RAB44: variants seen among roughly 807,000 people sequenced by gnomAD.
RAB44 encodes the protein ras-related protein Rab-44.
Under a neutral mutation model 93.3 loss-of-function variants are expected in RAB44, and 67 were observed. The observed-to-expected ratio is 0.72, with a 90% confidence interval of 0.59 to 0.88. The LOEUF is 0.88. RAB44 is among the 40% of genes least tolerant of loss of function. The probability of loss-of-function intolerance (pLI) is 0.00; values close to 1 mark genes in which losing one functional copy is unlikely to be tolerated. For synonymous variants in RAB44, 427 were observed against 520.3 expected, an observed-to-expected ratio of 0.82 and a Z score of 2.44; for missense variants, 1,064 against 1,261.7, an observed-to-expected ratio of 0.84 and a Z score of 2.37.
Position 36,721,759 on chromosome 6 carries a change from A to T in RAB44, c.1625A>T (p.Gln542Leu). 1 of 1,234,460 alleles carries T rather than the reference A, an allele frequency of 8.1e-7. No homozygotes were observed. The highest frequency in any genetic ancestry group is 1.0e-6 in the Non-Finnish European group (1 of 988,294). 76.5% of individuals were successfully genotyped at this position (1,234,460 alleles called of 1,614,324 possible). A position where few individuals can be genotyped will look rare whatever the true frequency, so the allele number is the denominator to read the frequency against. ...TCTTGGGCTCCTCCCAGCGGGGCTC[A>T]GCCTGGGGCTGGAGCAGGACCCCAG... is the stretch of plus-strand genomic sequence containing the variant. ...PGSWAPPSGA[Q>L]PGAGAGPQEP... The change falls in exon 9 of 14, where the codon CAG (glutamine) becomes CTG (leucine). Residue 542 changes from glutamine to leucine, a missense_variant. Transcript: ENST00000612677.
At chr6:36,728,573 G>T in intron 11 of RAB44, 127 bp from the exon 12 acceptor site, 1 of 708,182 alleles carries the variant, frequency 1.4e-6, no homozygotes, top group Non-Finnish European at 2.5e-6. Flanking sequence ...CAGGTGAGAA[G>T]GTTATGGAGT....
At chr6:36,698,718 G>C (rs1021153732) in intron 1 of RAB44, among the ~76,000 whole-genome samples, 3 of 152,032 alleles carry the variant, frequency 2.0e-5, no homozygotes, top group Non-Finnish European at 4.4e-5. Context: ...GGGTGGCCCT[G>C]CCAGCTGACT....
chr6:36,707,691 A>G (rs564711780), intron 2 of RAB44, among the ~76,000 whole-genome samples: 8 of 152,212 alleles, frequency 5.3e-5, no homozygotes, highest in Non-Finnish European at 1.2e-4. Flanking sequence ...CGAACCTGGT[A>G]CAGTCCTTTT....
chr6:36,722,234 T>C lies in RAB44; in HGVS notation c.2100T>C (p.Ala700=). 7.9e-7 allele frequency: 1 copy of C among 1,265,810 alleles called. No individual in the cohort carries two copies. Among genetic ancestry groups the C allele is most frequent in the Non-Finnish European group, 9.9e-7 (1 of 1,006,982 alleles). The allele number at this position is 1,265,810 out of a possible 1,614,324, so 78.4% of individuals were successfully genotyped here. ...AGCAGTCAGAGCAGTCGGTTGAGGC[T>C]CACGGCCTAGAAACTGCGCATTCGG... ...SSEQSEQSVE[A]HGLETAHSEL... is the part of the protein sequence containing the mutation. Residue 700 remains alanine (A), a synonymous_variant, in exon 9 of 14, where the codon GCT becomes GCC. Coordinates refer to ENST00000612677, the MANE Select transcript of RAB44 (RefSeq NM_001257357.2).
chr6:36,718,463 G>C (rs1247347168), intron 6 of RAB44, 30 bp from the exon 7 acceptor site: 1 of 1,129,564 alleles, frequency 8.9e-7, no homozygotes, highest in Non-Finnish European at 1.1e-6. Flanking sequence ...AGAGTCTGCA[G>C]GGTGAGGGCT....
rs767062518 is a variant in RAB44 at position 36,721,700 on chromosome 6, C to G, written c.1566C>G (p.Ile522Met). The G allele has an allele frequency of 8.1e-7, 1 of 1,234,468 alleles. No homozygotes were observed. Among genetic ancestry groups the G allele is most frequent in the Admixed American group, 4.2e-5 (1 of 23,738 alleles). The allele number at this position is 1,234,468 out of a possible 1,614,324, so 76.5% of individuals were successfully genotyped here. ...PQAPAGSSKQ[I>M]QASDPDDKGP... ...CCCCAGCTGGGTCCAGCAAACAGAT[C>G]CAGGCCTCAGACCCAGATGACAAGG... The change falls in exon 9 of 14, where the codon ATC becomes ATG. Residue 522 changes from isoleucine to methionine, a missense_variant. Transcript: ENST00000612677.
In RAB44 at chr6:36,718,561, G is replaced by A. The variant is rs972882406; in HGVS notation, c.801G>A (p.Val267=). ...TCCTAGAGGCCAAGGAGCGCGAGGTGCAGCGACTAGCTGAGGGCCAGAGGG... is the reference window on the plus strand; with the variant it reads ...TCCTAGAGGCCAAGGAGCGCGAGGTACAGCGACTAGCTGAGGGCCAGAGGG... ...QDVLEAKERE[V]QRLAEGQREL... Residue 267 remains valine, a synonymous_variant, in exon 7 of 14, where the codon GTG becomes GTA. Transcript: ENST00000612677. 3.3e-5 allele frequency: 41 copies of A among 1,234,152 alleles called. No homozygotes were observed. Among genetic ancestry groups the A allele is most frequent in the Admixed American group, 1.3e-4 (3 of 23,720 alleles). 76.5% of individuals were successfully genotyped at this position (1,234,152 alleles called of 1,614,324 possible). A position where few individuals can be genotyped will look rare whatever the true frequency, so the allele number is the denominator to read the frequency against.
intron 7 of RAB44, among the ~76,000 whole-genome samples, chr6:36,718,980 C>T (rs1484254453): frequency 1.3e-5 from 2 of 151,952 alleles, no homozygotes; most frequent in Non-Finnish European, 2.9e-5. Context: ...TCTTGGCTCA[C>T]TGCAAGCTCC....
intron 12 of RAB44, among the ~76,000 whole-genome samples, chr6:36,730,387 A>C (rs1156989422): frequency 6.6e-6 from 1 of 152,174 alleles, no homozygotes; most frequent in East Asian, 1.9e-4. Context: ...CTCCAGGGGC[A>C]TTTCTCCAAG....
chr6:36,725,150 A>G (rs904069665), intron 9 of RAB44, among the ~76,000 whole-genome samples: 1 of 152,036 alleles, frequency 6.6e-6, no homozygotes, highest in African/African-American at 2.4e-5. Flanking sequence ...TCAGAATTGC[A>G]TGCTCTCTGG....
intron 7 of RAB44, among the ~76,000 whole-genome samples, chr6:36,719,123 G>T (rs1272876530): frequency 1.3e-5 from 2 of 152,058 alleles, no homozygotes; most frequent in Admixed American, 1.3e-4. Context: ...GTTTCACCGT[G>T]GTCTCAATCT....
At chr6:36,724,393 G>A (rs953828176) in intron 9 of RAB44, among the ~76,000 whole-genome samples, 1 of 151,958 alleles carries the variant, frequency 6.6e-6, no homozygotes, top group Non-Finnish European at 1.5e-5. Flanking sequence ...GTGACCTCAG[G>A]TGATCTGCCC....
Position 36,732,128 on chromosome 6 carries a change from TGG to T in RAB44, c.*38_*39del, listed in dbSNP as rs1468166494. On this transcript the variant is annotated 3_prime_UTR_variant, in exon 14 of 14. Coordinates refer to ENST00000612677, the MANE Select transcript of RAB44 (RefSeq NM_001257357.2). ...CTGTCCTGGGTAGGATGGACACCCA[TGG>T]GGTTTCCTGTCCCTCAGCTCCTGTC... The T allele has an allele frequency of 8.4e-7, 1 of 1,184,868 alleles. No homozygotes were observed. The highest frequency in any genetic ancestry group is 1.6e-5 in the African/African-American group (1 of 63,492). The allele number at this position is 1,184,868 out of a possible 1,614,324, so 73.4% of individuals were successfully genotyped here.
chr6:36,713,756 A>G (rs2150331300), intron 2 of RAB44, 72 bp from the exon 3 acceptor site: 1 of 950,964 alleles, frequency 1.1e-6, no homozygotes, highest in East Asian at 2.6e-5. Flanking sequence ...CTGAAGACAA[A>G]CATCTCTCCG....
chr6:36,703,177 G>A (rs1263265584), intron 1 of RAB44, among the ~76,000 whole-genome samples: 1 of 152,224 alleles, frequency 6.6e-6, no homozygotes, highest in African/African-American at 2.4e-5. Context: ...CAGGGAGCAC[G>A]AGGGTCTGAG....
intron 4 of RAB44, among the ~76,000 whole-genome samples, chr6:36,716,174 A>G (rs1353610077): frequency 1.3e-5 from 2 of 152,154 alleles, no homozygotes; most frequent in Non-Finnish European, 2.9e-5. Flanking sequence ...CTTTGCTTAG[A>G]GAAAGGGAGC....
Position 36,721,414 on chromosome 6 carries a change from A to G in RAB44, c.1280A>G (p.Asp427Gly). The G allele has an allele frequency of 1.6e-6, 2 of 1,234,232 alleles. No homozygotes were observed. The highest frequency in any genetic ancestry group is 1.5e-5 in the African/African-American group (1 of 64,524). 76.5% of individuals were successfully genotyped at this position (1,234,232 alleles called of 1,614,324 possible). A position where few individuals can be genotyped will look rare whatever the true frequency, so the allele number is the denominator to read the frequency against. The change falls in exon 9 of 14, where the codon GAT (aspartate) becomes GGT (glycine). Residue 427 changes from aspartate to glycine, a missense_variant. Transcript: ENST00000612677. ...CTATTTGGTCAGGAGCCATCTTCAG[A>G]TCCAGATGGGGCTCCAAGGACCCCA... Reference protein sequence around the residue: ...AFLFGQEPSSDPDGAPRTPPG... With the variant: ...AFLFGQEPSSGPDGAPRTPPG...
At chr6:36,707,678 C>G (rs888303233) in intron 2 of RAB44, among the ~76,000 whole-genome samples, 1 of 152,188 alleles carries the variant, frequency 6.6e-6, no homozygotes, top group Non-Finnish European at 1.5e-5. Context: ...ATAAATAGTT[C>G]ATCGAACCTG....
At chr6:36,723,232 G>C (rs1429236856) in intron 9 of RAB44, among the ~76,000 whole-genome samples, 1 of 152,332 alleles carries the variant, frequency 6.6e-6, no homozygotes, top group East Asian at 1.9e-4. Flanking sequence ...CCACTTATTA[G>C]GGTCTGAATT....
Sources: gnomAD v4.1 joint callset for allele counts (sites outside exome capture counted in the v4.1 genomes callset) on GRCh38, gnomAD v4.1.1 for gene constraint, MANE v1.5 for transcripts, NCBI Gene and HGNC (gene_info 2026-07-23, HGNC 2026-07-21) for gene names.